Variants in EGFR observed in about 807,000 individuals in gnomAD.
The protein encoded by EGFR is avian erythroblastic leukemia viral (v-erb-b) oncogene homolog.
EGFR carries 58 observed loss-of-function variants against 143.0 expected under a neutral mutation model. That is an observed-to-expected ratio of 0.41 (90% CI 0.33 to 0.50). The LOEUF (loss-of-function observed/expected upper bound fraction) is 0.50. Ranked by LOEUF, EGFR falls within the 20% of genes least tolerant of loss-of-function variation. The probability of loss-of-function intolerance (pLI) is 0.39; values close to 1 mark genes in which losing one functional copy is unlikely to be tolerated. For missense variants in EGFR, 1,307 were observed against 1,579.0 expected (o/e 0.83, Z 2.92); for synonymous variants, 613 against 594.4 (o/e 1.03, Z -0.45).
intron 1 of EGFR, among the ~76,000 whole-genome samples, chr7:55,074,308 C>G (rs1306432152): frequency 6.6e-6 from 1 of 152,232 alleles, no homozygotes; most frequent in Non-Finnish European, 1.5e-5. Flanking sequence ...TCTGAGATCC[C>G]ACTTTCATTT....
intron 1 of EGFR, among the ~76,000 whole-genome samples, chr7:55,101,000 A>G (rs1276074016): frequency 6.6e-6 from 1 of 152,238 alleles, no homozygotes; most frequent in Non-Finnish European, 1.5e-5. Context: ...ACCACACAAA[A>G]CTGTTTCTCC....
intron 6 of EGFR, 120 bp downstream of exon 6, chr7:55,152,784 G>T (rs1785226127): frequency 8.8e-6 from 7 of 794,226 alleles, no homozygotes; most frequent in Admixed American, 7.3e-5. Context: ...TAACAGACAG[G>T]ATATTGCCCT....
At chr7:55,162,579 T>G (rs914412834) in intron 13 of EGFR, among the ~76,000 whole-genome samples, 1 of 152,210 alleles carries the variant, frequency 6.6e-6, no homozygotes, top group Non-Finnish European at 1.5e-5. Context: ...AAGTGTTTCT[T>G]AAGAGGCAAG....
chr7:55,170,490 C>T (rs1584217021), intron 15 of EGFR: 2 of 1,614,056 alleles, frequency 1.2e-6, no homozygotes, highest in East Asian at 2.2e-5. Flanking sequence ...GATGCAGCCA[C>T]CTCCATGCCT....
Position 55,210,227 on chromosome 7 carries a change from A to C in EGFR, c.*4610A>C, listed in dbSNP as rs939259066. The C allele has an allele frequency of 2.6e-5, 4 of 152,232 alleles. No individual in the cohort carries two copies. The highest frequency in any genetic ancestry group is 9.7e-5 in the African/African-American group (4 of 41,448). The allele number at this position is 152,232 out of a possible 1,614,324, so 9.4% of individuals were successfully genotyped here. A position where few individuals can be genotyped will look rare whatever the true frequency, so the allele number is the denominator to read the frequency against. On this transcript the variant is annotated 3_prime_UTR_variant, in exon 28 of 28. Transcript: ENST00000275493. ...GGTTTATATATATAATGTGACTTCA[A>C]TGCAAATTTTATTTTTATATTTACA... is the stretch of plus-strand genomic sequence containing the variant.
At chr7:55,174,697 C>A (rs1315791197) in intron 18 of EGFR, 25 bp from the exon 19 acceptor site, 3 of 1,588,478 alleles carry the variant, frequency 1.9e-6, no homozygotes, top group African/African-American at 2.7e-5. Flanking sequence ...TGCCAGTTAA[C>A]GTCTTCCTTC....
chr7:55,172,214 G>A (rs909201974), intron 16 of EGFR, among the ~76,000 whole-genome samples: 4 of 152,134 alleles, frequency 2.6e-5, no homozygotes, highest in African/African-American at 4.8e-5. Context: ...TTCTCCTCCT[G>A]TTCACCCGCC....
intron 1 of EGFR, among the ~76,000 whole-genome samples, chr7:55,091,363 G>C (rs1282540208): frequency 6.6e-6 from 1 of 152,228 alleles, no homozygotes; most frequent in East Asian, 1.9e-4. Flanking sequence ...TCTGGTGATA[G>C]TGGTTCCTAA....
At chr7:55,157,218 G>C (rs907637573) in intron 10 of EGFR, among the ~76,000 whole-genome samples, 8 of 152,220 alleles carry the variant, frequency 5.3e-5, no homozygotes, top group Non-Finnish European at 8.8e-5. Context: ...TATGACTGCC[G>C]CCTGAGCTCC....
At chr7:55,150,527 T>C (rs1005940214) in intron 4 of EGFR, among the ~76,000 whole-genome samples, 5 of 152,224 alleles carry the variant, frequency 3.3e-5, no homozygotes, top group African/African-American at 1.2e-4. Flanking sequence ...TGAACACCTC[T>C]AGTTTACTAT....
chr7:55,193,002 A>G lies in EGFR; in HGVS notation c.2701+161A>G, dbSNP rs556417814. 2.6e-5 allele frequency among the ~76,000 whole-genome samples: 4 copies of G among 151,902 alleles called. No homozygotes were observed. In the South Asian group the frequency reaches 8.4e-4, roughly 32 times the overall value. On this transcript the variant is annotated intron_variant, in intron 22 of 27. Coordinates refer to ENST00000275493, the MANE Select transcript of EGFR (RefSeq NM_005228.5). ...TGTCTATCTATTGTACTGAGAAAAC[A>G]CGGCAGAGGAAATCGAGTCCAGCTG...
rs778894573 is a variant in EGFR at position 55,156,836 on chromosome 7, T to C, written c.1207+4T>C. On this transcript the variant is annotated splice_donor_region_variant and intron_variant, in intron 10 of 27. Coordinates refer to ENST00000275493, the MANE Select transcript of EGFR (RefSeq NM_005228.5). ...AAAACCGTAAAGGAAATCACAGGTTTGAGCTGAATTATCACATGAATATAA... is the reference window on the plus strand; with the variant it reads ...AAAACCGTAAAGGAAATCACAGGTTCGAGCTGAATTATCACATGAATATAA... 1 of 1,614,246 alleles carries C rather than the reference T, an allele frequency of 6.2e-7. No homozygotes were observed. The highest frequency in any genetic ancestry group is 8.5e-7 in the Non-Finnish European group (1 of 1,180,042).
At chr7:55,154,285 C>G in intron 7 of EGFR, 133 bp downstream of exon 7, 2 of 1,395,414 alleles carry the variant, frequency 1.4e-6, no homozygotes, top group Non-Finnish European at 2.0e-6. Flanking sequence ...GGAGGCGACC[C>G]TGTGCCCGTC....
chr7:55,202,266 A>G (rs1027678582), intron 26 of EGFR, among the ~76,000 whole-genome samples: 22 of 152,178 alleles, frequency 1.4e-4, no homozygotes, highest in African/African-American at 5.3e-4. Context: ...TGGTGACCGT[A>G]TTGAAGAGCA....
chr7:55,148,291 C>G (rs972738969), intron 4 of EGFR, among the ~76,000 whole-genome samples: 6 of 151,780 alleles, frequency 4.0e-5, no homozygotes, highest in African/African-American at 1.2e-4. Context: ...TTTAATGAAC[C>G]TGGAACGGTT....
Position 55,170,574 on chromosome 7 carries a change from C to T in EGFR, c.1881-601C>T, listed in dbSNP as rs530043155. The T allele has an allele frequency of 3.7e-5, 60 of 1,611,534 alleles. 1 individual carries two copies. The highest frequency in any genetic ancestry group is 3.2e-4 in the South Asian group (29 of 91,038). On this transcript the variant is annotated intron_variant, in intron 15 of 27. Transcript: ENST00000275493. The stretch of plus-strand genomic sequence containing the variant: ...CATGCCTTCACGTGTCTGTTCCCCC[C>T]GCTTTTCCTTTCTGCCACCCCTGCA...
At chr7:55,062,629 A>G (rs1789254764) in intron 1 of EGFR, among the ~76,000 whole-genome samples, 1 of 152,154 alleles carries the variant, frequency 6.6e-6, no homozygotes, top group Non-Finnish European at 1.5e-5. Flanking sequence ...ATAACTGATA[A>G]GCAACCAAAG....
intron 1 of EGFR, among the ~76,000 whole-genome samples, chr7:55,116,555 A>ACT (rs776167470): frequency 6.6e-5 from 10 of 152,016 alleles, no homozygotes; most frequent in Admixed American, 2.6e-4. Flanking sequence ...ACACACACAC[A>ACT]CAAGTCAAAG....
chr7:55,140,885 TTGTG>T (rs1356369210), intron 1 of EGFR, among the ~76,000 whole-genome samples: 2 of 152,194 alleles, frequency 1.3e-5, no homozygotes, highest in African/African-American at 4.8e-5. Flanking sequence ...TGTTTAATGT[TTGTG>T]TAAGTGCTTT....
Sources: allele counts gnomAD v4.1 joint callset (sites outside exome capture counted in the v4.1 genomes callset), GRCh38; gene constraint gnomAD v4.1.1; transcripts MANE v1.5; gene names NCBI Gene and HGNC (gene_info 2026-07-23, HGNC 2026-07-21).